Variants in RMDN2 observed in about 807,000 individuals in gnomAD.
RMDN2 encodes the protein regulator of microtubule dynamics protein 2.
In RMDN2, 61 loss-of-function variants were observed where a neutral mutation model predicts 52.8. The ratio of observed to expected loss-of-function variants is 1.16; its 90% confidence interval spans 0.94 to 1.43. The LOEUF (loss-of-function observed/expected upper bound fraction) is 1.43. Among genes scored for constraint, RMDN2 ranks in the 40% most tolerant of loss-of-function variants. The pLI is 0.00. For missense variants in RMDN2, 592 were observed against 475.3 expected (o/e 1.25, Z -2.28); for synonymous variants, 180 against 153.1 (o/e 1.18, Z -1.30).
rs1055360307 is a variant in RMDN2, at chr2:38,063,982, G to T, written c.1714-3000G>T. ...ACAATAGTGAATCCTGTTTGTGTGT[G>T]TGTATGTGTGTGTGTGTATATATAC... On this transcript the variant is annotated intron_variant, in intron 10 of 10. Transcript: ENST00000234195. Among the ~76,000 whole-genome samples, 2 of 150,510 alleles carry T rather than the reference G, an allele frequency of 1.3e-5. 1 individual carries two copies. The highest frequency in any genetic ancestry group is 2.9e-5 in the Non-Finnish European group (2 of 68,028).
At chr2:38,003,944 ATTTT>A in intron 8 of RMDN2, 43 bp from the exon 9 acceptor site, 1 of 1,378,518 alleles carries the variant, frequency 7.3e-7, no homozygotes, top group Non-Finnish European at 1.0e-6. Flanking sequence ...GGTTACTGTT[ATTTT>A]AATATTGCCC....
At chr2:37,951,774 T>A in intron 2 of RMDN2, 1 of 1,613,288 alleles carries the variant, frequency 6.2e-7, no homozygotes, top group Non-Finnish European at 8.5e-7. Flanking sequence ...CACTAAAAAT[T>A]TTAAGAATTT....
At chr2:37,931,862 G>T (rs1336213184) in intron 2 of RMDN2, among the ~76,000 whole-genome samples, 1 of 152,102 alleles carries the variant, frequency 6.6e-6, no homozygotes, top group Non-Finnish European at 1.5e-5. Flanking sequence ...TTGATCCTGG[G>T]TGCCTTTGTT....
At chr2:38,020,986 A>T (rs924369823), downstream of RMDN2, among the ~76,000 whole-genome samples, 2 of 152,142 alleles carry the variant, frequency 1.3e-5, no homozygotes, top group Admixed American at 6.5e-5. Context: ...TCTGGTGGGG[A>T]CTTGGGGAAC....
chr2:38,047,783 C>T (rs1199930417), intron 10 of RMDN2, among the ~76,000 whole-genome samples: 1 of 152,226 alleles, frequency 6.6e-6, no homozygotes, highest in African/African-American at 2.4e-5. Flanking sequence ...CATGGCAAAT[C>T]ATTGAGTTCC....
At chr2:37,996,040 G>A (rs1051838932) in intron 7 of RMDN2, among the ~76,000 whole-genome samples, 3 of 152,128 alleles carry the variant, frequency 2.0e-5, no homozygotes, top group South Asian at 4.1e-4. Context: ...CCATGTGATC[G>A]TGCCTACCCT....
rs150393142 is a variant in RMDN2, at chr2:37,959,589, C to G, written c.453-14451C>G. Among the ~76,000 whole-genome samples, 330 of 150,682 alleles carry G rather than the reference C, an allele frequency of 2.2e-3. 28 individuals carry two copies. The highest frequency in any genetic ancestry group is 7.9e-3 in the African/African-American group (318 of 40,160). On this transcript the variant is annotated intron_variant, in intron 2 of 10. Transcript: ENST00000354545. ...TAGCGATCTATTTTGTTGATCTTTTCAAAAAACCAGCTCCTGGATTCATTG... is the reference window on the plus strand; with the variant it reads ...TAGCGATCTATTTTGTTGATCTTTTGAAAAAACCAGCTCCTGGATTCATTG...
In RMDN2 at chr2:37,951,261, C is replaced by T. The variant is rs140191801; in HGVS notation, c.452+21532C>T. 5.3e-4 allele frequency: 848 copies of T among 1,599,384 alleles called. 5 individuals carry two copies. The African/African-American group carries it at 9.2e-3, about 17-fold the overall frequency. On this transcript the variant is annotated intron_variant, in intron 2 of 10. Coordinates refer to ENST00000354545, the MANE Select transcript of RMDN2 (RefSeq NM_001170791.3). ...CTGCAAAGAGGACCAGAGCTTCCAA[C>T]GATGTTCTCCAGAAGATCAAGTTAG...
At chr2:38,002,715 A>T (rs922740833) in intron 8 of RMDN2, among the ~76,000 whole-genome samples, 2 of 152,230 alleles carry the variant, frequency 1.3e-5, no homozygotes, top group African/African-American at 4.8e-5. Flanking sequence ...GATAGTGGTT[A>T]CCTCTGTGGC....
At chr2:37,996,688 G>A (rs1444939220) in intron 7 of RMDN2, among the ~76,000 whole-genome samples, 2 of 151,568 alleles carry the variant, frequency 1.3e-5, no homozygotes, top group Admixed American at 6.6e-5. Context: ...GGTTGGACAA[G>A]CATCAACTGG....
intron 2 of RMDN2, among the ~76,000 whole-genome samples, chr2:37,970,423 G>A (rs1671645035): frequency 6.6e-6 from 1 of 152,052 alleles, no homozygotes; most frequent in Admixed American, 6.6e-5. Context: ...TATATTTGTT[G>A]CAATAGCTTG....
intron 2 of RMDN2, among the ~76,000 whole-genome samples, chr2:37,940,850 C>T (rs775814631): frequency 3.3e-5 from 5 of 152,120 alleles, no homozygotes; most frequent in South Asian, 2.1e-4. Flanking sequence ...TCCTTTAGCT[C>T]GAAGGAGTTT....
chr2:37,927,395 C>G (rs1390803301), intron 1 of RMDN2, among the ~76,000 whole-genome samples: 1 of 152,154 alleles, frequency 6.6e-6, no homozygotes, highest in Non-Finnish European at 1.5e-5. Flanking sequence ...ATAATAGGAC[C>G]TGCATGGAAG....
At chr2:37,989,412 T>C (rs367965473) in intron 5 of RMDN2, 129 bp from the exon 6 acceptor site, 2 of 647,948 alleles carry the variant, frequency 3.1e-6, no homozygotes, top group Non-Finnish European at 5.5e-6. Flanking sequence ...AGGGCCCTTA[T>C]ATTTATATGA....
intron 10 of RMDN2, among the ~76,000 whole-genome samples, chr2:38,059,983 C>T (rs1258058032): frequency 1.3e-5 from 2 of 152,160 alleles, no homozygotes; most frequent in East Asian, 1.9e-4. Context: ...CTGCAACCTC[C>T]GCCTCTCAGG....
chr2:38,001,194 C>G (rs987370239), intron 8 of RMDN2, among the ~76,000 whole-genome samples: 1 of 152,176 alleles, frequency 6.6e-6, no homozygotes, highest in South Asian at 2.1e-4. Context: ...GTTTATTAAG[C>G]ACATAACTAG....
chr2:38,065,649 G>C (rs1682243961), intron 10 of RMDN2, among the ~76,000 whole-genome samples: 1 of 152,184 alleles, frequency 6.6e-6, no homozygotes, highest in African/African-American at 2.4e-5. Context: ...GAAGGGTTCT[G>C]ATGAGCCACA....
intron 2 of RMDN2, among the ~76,000 whole-genome samples, chr2:37,940,098 A>T (rs965293736): frequency 6.6e-6 from 1 of 152,082 alleles, no homozygotes; most frequent in Non-Finnish European, 1.5e-5. Flanking sequence ...ATCCCTCAGC[A>T]TTTGCTTGTC....
rs114813945 is a variant in RMDN2, at chr2:37,974,156, G to A, written c.569G>A (p.Arg190His). Residue 190 changes from arginine (R) to histidine (H), a missense_variant, in exon 3 of 11, where the codon CGT becomes CAT. Transcript: ENST00000354545. The part of the protein sequence containing the change: ...DVLLQKVDHL[R>H]MSESGKSESF... ...CTTCTTCAGAAGGTAGATCATTTAC[G>A]TATGAGTGAGTCTGGCAAGTCGGAG... is the stretch of plus-strand genomic sequence containing the variant. The A allele has an allele frequency of 6.2e-4, 1,001 of 1,613,466 alleles. 2 individuals are homozygous for A. The African/African-American group carries it at 0.011, about 18-fold the overall frequency.
Sources: gnomAD v4.1 joint callset for allele counts (sites outside exome capture counted in the v4.1 genomes callset) on GRCh38, gnomAD v4.1.1 for gene constraint, MANE v1.5 for transcripts, NCBI Gene and HGNC (gene_info 2026-07-23, HGNC 2026-07-21) for gene names.